Variants in DOCK4 observed in about 807,000 individuals in gnomAD.
DOCK4 encodes dedicator of cytokinesis 4, also known as dedicator of cytokinesis protein 4.
A neutral mutation model predicts 268.1 loss-of-function variants in DOCK4; 97 were observed. That is an observed-to-expected ratio of 0.36 (90% confidence interval 0.31 to 0.43). DOCK4 has a LOEUF of 0.43. Among genes scored for constraint, DOCK4 ranks in the 20% least tolerant of loss-of-function variants. DOCK4 has a pLI of 1.00. For missense variants in DOCK4, 2,145 were observed against 2,455.7 expected, an observed-to-expected ratio of 0.87 and a Z score of 2.67; for synonymous variants, 954 against 887.2, an observed-to-expected ratio of 1.08 and a Z score of -1.34.
At chr7:112,017,932 C>T (rs934819059) in intron 1 of DOCK4, among the ~76,000 whole-genome samples, 1 of 151,832 alleles carries the variant, frequency 6.6e-6, no homozygotes, top group East Asian at 1.9e-4. Flanking sequence ...GTAAACCTGG[C>T]ATTCATGGTT....
chr7:112,069,168 G>A (rs577659324), intron 1 of DOCK4, among the ~76,000 whole-genome samples: 113 of 152,292 alleles, frequency 7.4e-4, no homozygotes, highest in African/African-American at 2.4e-3. Flanking sequence ...ACACCAAGCC[G>A]TCTACGTAAC....
chr7:112,001,642 C>T (rs1800433139), intron 2 of DOCK4, among the ~76,000 whole-genome samples: 1 of 152,074 alleles, frequency 6.6e-6, no homozygotes, highest in South Asian at 2.1e-4. Context: ...GCTGAGGTTG[C>T]TAAAATCTAG....
chr7:111,934,690 C>T (rs1306594243), intron 12 of DOCK4, among the ~76,000 whole-genome samples: 6 of 149,096 alleles, frequency 4.0e-5, no homozygotes, highest in African/African-American at 5.0e-5. Context: ...CCACCATGCC[C>T]GGCTAATTTT....
rs555250028 is a variant in DOCK4, at chr7:112,124,042, A to G, written c.37+82060T>C. On this transcript the variant is annotated intron_variant, in intron 1 of 52. Transcript: ENST00000428084. ...GAAACTAAAAACTTTTTTTTTTTTT[A>G]GAAATAGGGTTTTGCTTTGTTGTCC... Among the ~76,000 whole-genome samples the G allele has an allele frequency of 8.7e-5, 13 of 148,878 alleles. No homozygotes were observed. The South Asian group carries it at 1.3e-3, about 15-fold the overall frequency.
intron 1 of DOCK4, among the ~76,000 whole-genome samples, chr7:112,149,542 T>A (rs1376536400): frequency 6.6e-6 from 1 of 151,034 alleles, no homozygotes; most frequent in Non-Finnish European, 1.5e-5. Flanking sequence ...GACAACATTA[T>A]AAAAAACATA....
chr7:112,169,796 G>A (rs1000605370), intron 1 of DOCK4, among the ~76,000 whole-genome samples: 12 of 152,130 alleles, frequency 7.9e-5, no homozygotes, highest in South Asian at 2.1e-4. Context: ...GGAGGAGGGC[G>A]ACAAATCACC....
chr7:111,917,446 G>C (rs1210533054), intron 12 of DOCK4, among the ~76,000 whole-genome samples: 1 of 152,034 alleles, frequency 6.6e-6, no homozygotes, highest in Middle Eastern at 3.4e-3. Context: ...GGGTGCGGTG[G>C]CTCACACTTG....
At chr7:111,927,192 T>G (rs538362133) in intron 12 of DOCK4, among the ~76,000 whole-genome samples, 1 of 152,190 alleles carries the variant, frequency 6.6e-6, no homozygotes, top group South Asian at 2.1e-4. Flanking sequence ...CCTTCTAATA[T>G]GCAAAAGGTA....
intron 1 of DOCK4, among the ~76,000 whole-genome samples, chr7:112,166,283 G>A (rs1317252013): frequency 6.6e-6 from 1 of 152,084 alleles, no homozygotes; most frequent in Admixed American, 6.6e-5. Flanking sequence ...GAAAAAACAT[G>A]CTCTTGGGGT....
chr7:112,128,723 C>CGTTAAGAG (rs1813509490), intron 1 of DOCK4, among the ~76,000 whole-genome samples: 1 of 151,930 alleles, frequency 6.6e-6, no homozygotes, highest in Non-Finnish European at 1.5e-5. Context: ...GCAGCATGCT[C>CGTTAAGAG]GTTAAGAGTC....
rs1805713713 is a variant in DOCK4 at position 111,863,406 on chromosome 7, G to T, written c.2439C>A (p.Gly813=). 1 of 1,613,996 alleles carries T rather than the reference G, an allele frequency of 6.2e-7. No individual in the cohort carries two copies. The highest frequency in any genetic ancestry group is 1.3e-5 in the African/African-American group (1 of 75,032). The change falls in exon 23 of 53, where the codon GGC becomes GGA. Residue 813 remains glycine (G), a synonymous_variant. Coordinates refer to ENST00000428084, the MANE Select transcript of DOCK4 (RefSeq NM_001363540.2). The part of the protein sequence containing the change: ...SLQAIKLQCI[G]KTVESQLYTN... Reference sequence around the variant, plus strand: ...TATAAAGCTGGCTTTCCACGGTTTTGCCAATGCACTGCAGTTTGATGGCCT... The same window carrying T: ...TATAAAGCTGGCTTTCCACGGTTTTTCCAATGCACTGCAGTTTGATGGCCT...
At chr7:112,026,975 G>A (rs957604605) in intron 1 of DOCK4, among the ~76,000 whole-genome samples, 1 of 152,196 alleles carries the variant, frequency 6.6e-6, no homozygotes, top group African/African-American at 2.4e-5. Flanking sequence ...GCTGTAAACA[G>A]AAAATGTTGC....
Position 111,915,789 on chromosome 7 carries a change from A to G in DOCK4, c.1182T>C (p.Ile394=). Residue 394 remains isoleucine, a synonymous_variant, in exon 13 of 53, where the codon ATT becomes ATC. Coordinates refer to ENST00000428084, the MANE Select transcript of DOCK4 (RefSeq NM_001363540.2). ...TCCCAAGTCACCTACCAGGCATAAT[A>G]ATATTTGAAAATCCCAGCTTCCTTG... ...SITRKLGFSN[I]IMPGEMRNDL... The G allele has an allele frequency of 1.2e-6, 2 of 1,613,266 alleles. No individual in the cohort carries two copies. Among genetic ancestry groups the G allele is most frequent in the Non-Finnish European group, 8.5e-7 (1 of 1,179,636 alleles).
chr7:111,855,163 A>G (rs773223040), intron 23 of DOCK4, among the ~76,000 whole-genome samples: 40 of 152,318 alleles, frequency 2.6e-4, no homozygotes, highest in Middle Eastern at 3.4e-3. Flanking sequence ...GTGCCCCCCA[A>G]TAAAACAGAA....
intron 1 of DOCK4, among the ~76,000 whole-genome samples, chr7:112,086,703 A>C (rs1285878562): frequency 6.6e-6 from 1 of 152,154 alleles, no homozygotes; most frequent in Non-Finnish European, 1.5e-5. Flanking sequence ...AATAAAACCC[A>C]ACTCTGAAGT....
At chr7:112,117,569 C>G (rs1812296555) in intron 1 of DOCK4, among the ~76,000 whole-genome samples, 1 of 152,158 alleles carries the variant, frequency 6.6e-6, no homozygotes, top group Non-Finnish European at 1.5e-5. Context: ...CAGGGTTTCA[C>G]CATGTTGGCC....
Position 111,872,290 on chromosome 7 carries a change from C to A in DOCK4, c.1905G>T (p.Gly635=). The A allele has an allele frequency of 6.4e-7, 1 of 1,558,010 alleles. No individual in the cohort carries two copies. The highest frequency in any genetic ancestry group is 8.7e-7 in the Non-Finnish European group (1 of 1,150,494). ...TTACCAAAGAATCAAACACTTTAGA[C>A]CCATATTTTTGGGAATTTTCATCTA... ...GILDENSQKY[G]SKVFDSLVHI... is the part of the protein sequence containing the mutation. The change falls in exon 19 of 53, where the codon GGG becomes GGT. Residue 635 remains glycine, a synonymous_variant. Transcript: ENST00000428084.
chr7:112,119,200 G>A (rs1812468037), intron 1 of DOCK4, among the ~76,000 whole-genome samples: 1 of 152,180 alleles, frequency 6.6e-6, no homozygotes, highest in Non-Finnish European at 1.5e-5. Flanking sequence ...TGGGAGGGAA[G>A]CAGAGGAAGA....
Position 111,844,775 on chromosome 7 carries a change from G to T in DOCK4, c.2724C>A (p.Phe908Leu), listed in dbSNP as rs1803961484. The change falls in exon 25 of 53, where the codon TTC becomes TTA. Residue 908 changes from phenylalanine to leucine, a missense_variant. Transcript: ENST00000428084. ...QPSSSAMRFQ[F>L]QDVTGEFVAC... ...TCTATGATCTTACAGTGACATCCTG[G>T]AACTGGAACCGCATTGCTGAGCTGG... is the stretch of plus-strand genomic sequence containing the variant. The T allele has an allele frequency of 6.2e-7, 1 of 1,613,160 alleles. No homozygotes were observed. The highest frequency in any genetic ancestry group is 1.3e-5 in the African/African-American group (1 of 74,878).
Sources: allele counts gnomAD v4.1 joint callset (sites outside exome capture counted in the v4.1 genomes callset), GRCh38; gene constraint gnomAD v4.1.1; transcripts MANE v1.5; gene names NCBI Gene and HGNC (gene_info 2026-07-23, HGNC 2026-07-21).